Variants in ACOT1 observed in about 807,000 individuals in gnomAD.
ACOT1 encodes acyl-coenzyme A thioesterase 1.
A neutral mutation model predicts 15.7 loss-of-function variants in ACOT1; 8 were observed. The ratio of observed to expected loss-of-function variants is 0.51; its 90% CI spans 0.30 to 0.92. The LOEUF (loss-of-function observed/expected upper bound fraction) is 0.92, where lower values mean the gene tolerates loss of function less well. ACOT1 is among the 40% of genes least tolerant of loss of function. The probability of loss-of-function intolerance (pLI) is 0.06; values close to 1 mark genes in which losing one functional copy is unlikely to be tolerated. For synonymous variants in ACOT1, 67 were observed against 241.2 expected, an observed-to-expected ratio of 0.28 and a Z score of 6.69; for missense variants, 151 against 539.4, an observed-to-expected ratio of 0.28 and a Z score of 7.13.
At chr14:73,502,850 TC>T in the ACOT1 span, 1 of 1,484,756 alleles carries the variant, frequency 6.7e-7, no homozygotes. Flanking sequence ...CCTAAACACT[TC>T]TAAGAATTTA....
chr14:73,495,313 C>T, the ACOT1 span: 3 of 1,613,930 alleles, frequency 1.9e-6, no homozygotes. Flanking sequence ...TTGCTTCCTC[C>T]CTCACTTTTC....
chr14:73,497,371 C>T, the ACOT1 span, among the ~76,000 whole-genome samples: 5 of 152,206 alleles, frequency 3.3e-5, no homozygotes, highest in Admixed American at 2.0e-4. Context: ...CCAATAGGTA[C>T]CATTTACTGA....
the ACOT1 span, among the ~76,000 whole-genome samples, chr14:73,529,675 C>T: frequency 6.6e-6 from 1 of 152,184 alleles, no homozygotes; most frequent in South Asian, 2.1e-4. Context: ...CAGTCGCTTA[C>T]CCTCACCCTC....
chr14:73,524,313 ATATATATAT>A, the ACOT1 span, among the ~76,000 whole-genome samples: 10 of 93,208 alleles, frequency 1.1e-4, no homozygotes, highest in African/African-American at 3.8e-4. Flanking sequence ...AAAAAAAAAT[ATATATATAT>A]ATATATATAT....
chr14:73,509,554 T>C, the ACOT1 span: 2 of 1,451,426 alleles, frequency 1.4e-6, no homozygotes, highest in Admixed American at 3.5e-5. Flanking sequence ...AGCCATGTGG[T>C]GGCCAACCTC....
the ACOT1 span, chr14:73,491,086 G>C: frequency 2.5e-6 from 4 of 1,599,936 alleles, no homozygotes; most frequent in Non-Finnish European, 3.4e-6. Context: ...GCAAGCCCCA[G>C]CCACACAGCG....
the ACOT1 span, chr14:73,527,413 G>A: frequency 9.9e-5 from 15 of 151,366 alleles, no homozygotes; most frequent in African/African-American, 3.4e-4. Flanking sequence ...AGATAACACC[G>A]AGAAGAAATT....
At chr14:73,510,682 T>G in the ACOT1 span, among the ~76,000 whole-genome samples, 1 of 152,188 alleles carries the variant, frequency 6.6e-6, no homozygotes, top group African/African-American at 2.4e-5. Flanking sequence ...GTGATCCACC[T>G]GCCTTGGCCT....
chr14:73,501,591 T>TTGG, the ACOT1 span, among the ~76,000 whole-genome samples: 1 of 136,808 alleles, frequency 7.3e-6, no homozygotes, highest in African/African-American at 2.6e-5. Context: ...TTTTTTTTTT[T>TTGG]GAGATAGGGT....
chr14:73,520,646 G>A, the ACOT1 span: 16 of 499,186 alleles, frequency 3.2e-5, no homozygotes, highest in Admixed American at 3.5e-4. Flanking sequence ...TAGAGAAAGC[G>A]GGGAGAGAGA....
At chr14:73,496,469 T>C in the ACOT1 span, 2 of 608,894 alleles carry the variant, frequency 3.3e-6, no homozygotes, top group Non-Finnish European at 5.9e-6. Flanking sequence ...TGATGTGGCA[T>C]CTGTGTCTGG....
chr14:73,517,961 C>A, the ACOT1 span, among the ~76,000 whole-genome samples: 4 of 152,144 alleles, frequency 2.6e-5, no homozygotes, highest in African/African-American at 9.7e-5. Flanking sequence ...TGGCGCGCAC[C>A]TGTAGTCCCA....
Position 73,542,250 on chromosome 14 carries a change from G to A in ACOT1, c.660+555G>A, listed in dbSNP as rs1397221209. Among the ~76,000 whole-genome samples the A allele has an allele frequency of 2.5e-4, 27 of 106,642 alleles. 5 individuals carry two copies. Among genetic ancestry groups the A allele is most frequent in the East Asian group, 7.5e-4 (1 of 1,340 alleles). The allele number at this position is 106,642 out of a possible 152,430, so 70.0% of individuals were successfully genotyped here. A position where few individuals can be genotyped will look rare whatever the true frequency, so the allele number is the denominator to read the frequency against. On this transcript the variant is annotated intron_variant, in intron 2 of 2. Transcript: ENST00000311148. ...TGACCTCAAGTGATCTGCCCACCTC[G>A]GCCTCCCAGAGTGCTGGAATTACAG...
the ACOT1 span, chr14:73,493,089 A>C: frequency 6.2e-7 from 1 of 1,612,752 alleles, no homozygotes; most frequent in South Asian, 1.1e-5. Context: ...TCAGTGTCAC[A>C]AACCTCGGAA....
the ACOT1 span, among the ~76,000 whole-genome samples, chr14:73,524,006 G>C: frequency 6.6e-6 from 1 of 151,956 alleles, no homozygotes; most frequent in East Asian, 1.9e-4. Flanking sequence ...TTTAATAGCT[G>C]TAGGCCGGGC....
At chr14:73,533,788 G>A (rs767404006), upstream of ACOT1, among the ~76,000 whole-genome samples, 5 of 108,826 alleles carry the variant, frequency 4.6e-5, 1 homozygote, top group African/African-American at 6.0e-5. Flanking sequence ...CAGCTCATGC[G>A]TGTAATTCTA....
the ACOT1 span, chr14:73,509,247 G>T: frequency 1.0e-5 from 15 of 1,483,524 alleles, no homozygotes; most frequent in African/African-American, 6.9e-5. Context: ...GGAAAGGACT[G>T]GGAAAGCTGA....
At chr14:73,522,838 A>C in the ACOT1 span, 1 of 1,614,080 alleles carries the variant, frequency 6.2e-7, no homozygotes, top group Non-Finnish European at 8.5e-7. Flanking sequence ...TGATCTGGGG[A>C]GTATGGATGA....
At chr14:73,536,378 G>A (rs1250853648), upstream of ACOT1, among the ~76,000 whole-genome samples, 18 of 110,986 alleles carry the variant, frequency 1.6e-4, 1 homozygote, top group African/African-American at 3.2e-4. Context: ...CATGGGGAGC[G>A]CCGGTAGTCC....
Sources: allele counts gnomAD v4.1 joint callset (sites outside exome capture counted in the v4.1 genomes callset), GRCh38; gene constraint gnomAD v4.1.1; transcripts MANE v1.5; gene names NCBI Gene and HGNC (gene_info 2026-07-23, HGNC 2026-07-21).